Variants in NAALADL2 observed in about 807,000 individuals in gnomAD.
The protein encoded by NAALADL2 is N-acetylated alpha-linked acidic dipeptidase like 2, also known as inactive N-acetylated-alpha-linked acidic dipeptidase-like protein 2.
Under a neutral mutation model 87.2 loss-of-function variants are expected in NAALADL2, and 76 were observed. The ratio of observed to expected loss-of-function variants is 0.87; its 90% confidence interval spans 0.72 to 1.05. The LOEUF is 1.05. NAALADL2 is among the 50% of genes least tolerant of loss of function. The pLI is 0.00. For missense variants in NAALADL2, 1,089 were observed against 945.8 expected, an observed-to-expected ratio of 1.15 and a Z score of -1.99; for synonymous variants, 354 against 331.0, an observed-to-expected ratio of 1.07 and a Z score of -0.75.
chr3:175,361,610 A>G lies in NAALADL2; in HGVS notation c.1090+37285A>G, dbSNP rs953608199. On this transcript the variant is annotated intron_variant, in intron 5 of 13. Transcript: ENST00000454872. Reference sequence around the variant, plus strand: ...TGTAGTTTTGATTTGCATTTCTCTGATGGCCAGTGATGATGAGCATTTTTT... The same window carrying G: ...TGTAGTTTTGATTTGCATTTCTCTGGTGGCCAGTGATGATGAGCATTTTTT... Among the ~76,000 whole-genome samples, 2 of 148,440 alleles carry G rather than the reference A, an allele frequency of 1.3e-5. 1 individual carries two copies. The highest frequency in any genetic ancestry group is 3.0e-5 in the Non-Finnish European group (2 of 66,670).
intron 2 of NAALADL2, among the ~76,000 whole-genome samples, chr3:174,655,020 C>T (rs1004405810): frequency 2.6e-5 from 4 of 152,178 alleles, no homozygotes; most frequent in Non-Finnish European, 4.4e-5. Flanking sequence ...CAGGCGTGAG[C>T]TTACCGTGCC....
intron 9 of NAALADL2, among the ~76,000 whole-genome samples, chr3:175,507,321 G>A (rs559325580): frequency 6.6e-6 from 1 of 152,228 alleles, no homozygotes; most frequent in Admixed American, 6.5e-5. Context: ...ATTGGAAAAG[G>A]TCAGTGGGGA....
chr3:174,567,388 TAAAC>T (rs1465886932), intron 2 of NAALADL2, among the ~76,000 whole-genome samples: 2 of 151,564 alleles, frequency 1.3e-5, no homozygotes, highest in African/African-American at 2.4e-5. Context: ...GTTTATAAAA[TAAAC>T]AAATTTTTTC....
At chr3:174,998,145 T>C (rs1186385181) in intron 1 of NAALADL2, among the ~76,000 whole-genome samples, 1 of 152,232 alleles carries the variant, frequency 6.6e-6, no homozygotes, top group Admixed American at 6.5e-5. Context: ...AACATTTATT[T>C]AGCACTACCT....
intron 2 of NAALADL2, among the ~76,000 whole-genome samples, chr3:174,606,168 G>A (rs188184939): frequency 1.3e-5 from 2 of 152,286 alleles, no homozygotes; most frequent in African/African-American, 2.4e-5. Context: ...AAACCCATCT[G>A]TACATCACTA....
chr3:174,839,113 C>T (rs1723712061), intron 3 of NAALADL2, among the ~76,000 whole-genome samples: 1 of 152,102 alleles, frequency 6.6e-6, no homozygotes, highest in African/African-American at 2.4e-5. Flanking sequence ...GCCATTGTCA[C>T]CAAAACAGAA....
chr3:175,569,211 C>T (rs1431772584), intron 9 of NAALADL2, among the ~76,000 whole-genome samples: 1 of 152,188 alleles, frequency 6.6e-6, no homozygotes, highest in East Asian at 1.9e-4. Context: ...TACATGTTCA[C>T]ACTGCCCAGG....
intron 3 of NAALADL2, among the ~76,000 whole-genome samples, chr3:174,784,292 CA>C (rs1226534884): frequency 2.0e-5 from 3 of 152,136 alleles, no homozygotes; most frequent in Non-Finnish European, 4.4e-5. Flanking sequence ...TATGCATATG[CA>C]GCTTTGATGG....
intron 2 of NAALADL2, among the ~76,000 whole-genome samples, chr3:174,570,223 C>T (rs1714767981): frequency 6.6e-6 from 1 of 151,614 alleles, no homozygotes; most frequent in African/African-American, 2.4e-5. Flanking sequence ...TTGTTTTATA[C>T]CCATGGGAGG....
At chr3:175,434,206 G>T (rs1718248621) in intron 5 of NAALADL2, among the ~76,000 whole-genome samples, 1 of 152,034 alleles carries the variant, frequency 6.6e-6, no homozygotes, top group African/African-American at 2.4e-5. Flanking sequence ...TAACTACAAA[G>T]AGCCTCTTTC....
chr3:174,869,712 G>A (rs1197729871), intron 1 of NAALADL2, among the ~76,000 whole-genome samples: 1 of 152,208 alleles, frequency 6.6e-6, no homozygotes, highest in African/African-American at 2.4e-5. Flanking sequence ...GATAGTGTCA[G>A]TGAATGTGGG....
chr3:175,282,198 T>C (rs1754400447), intron 4 of NAALADL2, among the ~76,000 whole-genome samples: 1 of 152,036 alleles, frequency 6.6e-6, no homozygotes, highest in African/African-American at 2.4e-5. Context: ...CTTCACTAAT[T>C]AGAAAGCCCT....
At chr3:175,172,633 A>T (rs953746659) in intron 2 of NAALADL2, among the ~76,000 whole-genome samples, 2 of 152,188 alleles carry the variant, frequency 1.3e-5, no homozygotes, top group Non-Finnish European at 1.5e-5. Context: ...AGAAACATAC[A>T]TGAGTAAGAC....
chr3:175,661,628 C>T (rs1732270201), intron 11 of NAALADL2, among the ~76,000 whole-genome samples: 3 of 151,824 alleles, frequency 2.0e-5, no homozygotes. Flanking sequence ...AGTTTCATAT[C>T]TTACGTTTAA....
chr3:174,568,365 G>A (rs1348685379), intron 2 of NAALADL2, among the ~76,000 whole-genome samples: 1 of 151,756 alleles, frequency 6.6e-6, no homozygotes, highest in Non-Finnish European at 1.5e-5. Flanking sequence ...AATTAGAATT[G>A]TTATTTCTGA....
chr3:175,643,989 T>A (rs1247179402), intron 11 of NAALADL2, among the ~76,000 whole-genome samples: 1 of 152,152 alleles, frequency 6.6e-6, no homozygotes, highest in Admixed American at 6.6e-5. Context: ...TTTTTTCCAG[T>A]CTGATATGTG....
At chr3:174,682,533 C>A (rs181011312) in intron 2 of NAALADL2, among the ~76,000 whole-genome samples, 37 of 152,288 alleles carry the variant, frequency 2.4e-4, no homozygotes, top group Non-Finnish European at 4.4e-5. Flanking sequence ...ACCCCTCCCC[C>A]AACTCCAGGC....
intron 10 of NAALADL2, among the ~76,000 whole-genome samples, chr3:175,593,004 A>G (rs2149610106): frequency 6.6e-6 from 1 of 152,176 alleles, no homozygotes; most frequent in Non-Finnish European, 1.5e-5. Flanking sequence ...TTTTAAAAAA[A>G]TTAATTTTAT....
intron 3 of NAALADL2, among the ~76,000 whole-genome samples, chr3:174,835,599 A>C (rs192244778): frequency 6.6e-6 from 1 of 152,196 alleles, no homozygotes; most frequent in East Asian, 1.9e-4. Context: ...TGTAAATCAT[A>C]TATCTGATCA....
Sources: gnomAD v4.1 joint callset for allele counts (sites outside exome capture counted in the v4.1 genomes callset) on GRCh38, gnomAD v4.1.1 for gene constraint, MANE v1.5 for transcripts, NCBI Gene and HGNC (gene_info 2026-07-23, HGNC 2026-07-21) for gene names.